Variants in CPNE8 observed in about 807,000 individuals in gnomAD.
CPNE8 encodes the protein copine-8.
CPNE8 carries 45 observed loss-of-function variants against 81.5 expected under a neutral mutation model. The observed-to-expected ratio is 0.55, with a 90% confidence interval of 0.44 to 0.71. The LOEUF is 0.71. Ranked by LOEUF, CPNE8 falls within the 30% of genes least tolerant of loss-of-function variation. CPNE8 has a pLI of 0.00. For missense variants in CPNE8, 594 were observed against 672.1 expected (o/e 0.88, Z 1.28); for synonymous variants, 252 against 226.3 (o/e 1.11, Z -1.02).
intron 1 of CPNE8, among the ~76,000 whole-genome samples, chr12:38,897,351 C>T (rs1944401966): frequency 2.0e-5 from 3 of 151,998 alleles, no homozygotes; most frequent in Admixed American, 2.0e-4. Flanking sequence ...TTCTAGAAAA[C>T]TATCCCCAGG....
chr12:38,884,741 A>G (rs962629300), intron 1 of CPNE8, among the ~76,000 whole-genome samples: 6 of 152,176 alleles, frequency 3.9e-5, no homozygotes, highest in South Asian at 2.1e-4. Flanking sequence ...GAAGTAGTCA[A>G]TCCACATACC....
At chr12:38,859,720 G>A (rs537250468) in intron 3 of CPNE8, among the ~76,000 whole-genome samples, 1 of 152,158 alleles carries the variant, frequency 6.6e-6, no homozygotes, top group African/African-American at 2.4e-5. Flanking sequence ...GATAACAACA[G>A]CCACATGGAT....
chr12:38,904,470 G>GTTTTTTTTTT (rs11343890), intron 1 of CPNE8, among the ~76,000 whole-genome samples: 6 of 120,302 alleles, frequency 5.0e-5, no homozygotes, highest in Non-Finnish European at 6.8e-5. Flanking sequence ...GTTTTTTTTT[G>GTTTTTTTTTT]TTTTTTTTTT....
In CPNE8 at chr12:38,852,428, CAA is replaced by C. The variant is rs138401295; in HGVS notation, c.187-3768_187-3767del. 1.0e-3 allele frequency among the ~76,000 whole-genome samples: 75 copies of C among 75,188 alleles called. 1 individual carries two copies. Among genetic ancestry groups the C allele is most frequent in the East Asian group, 2.3e-3 (6 of 2,604 alleles). The allele number at this position is 75,188 out of a possible 152,430, so 49.3% of individuals were successfully genotyped here. On this transcript the variant is annotated intron_variant, in intron 3 of 19. Coordinates refer to ENST00000331366, the MANE Select transcript of CPNE8 (RefSeq NM_153634.3). ...CTGGGCAACAGAGTGAGCTCTGTCT[CAA>C]AAAAAAAAAAAAAAAAAAAAAATTA...
chr12:38,839,822 A>C, intron 5 of CPNE8, 94 bp downstream of exon 5: 1 of 1,102,600 alleles, frequency 9.1e-7, no homozygotes, highest in Non-Finnish European at 1.2e-6. Flanking sequence ...TTACATGAAT[A>C]ACTTAATAGA....
chr12:38,664,755 T>C lies in CPNE8; in HGVS notation c.1506+5974A>G, dbSNP rs554581146. On this transcript the variant is annotated intron_variant, in intron 19 of 19. Coordinates refer to ENST00000331366, the MANE Select transcript of CPNE8 (RefSeq NM_153634.3). The stretch of plus-strand genomic sequence containing the variant: ...TTCTTTAAAACATGTTTATAAATAA[T>C]AGGTAAAAAAGAAATCCTCAATTTC... Among the ~76,000 whole-genome samples, 57 of 152,228 alleles carry C rather than the reference T, an allele frequency of 3.7e-4. 1 individual carries two copies. In the South Asian group the frequency reaches 0.012, roughly 31 times the overall value.
intron 16 of CPNE8, among the ~76,000 whole-genome samples, chr12:38,683,341 T>A (rs1483979398): frequency 6.6e-6 from 1 of 152,180 alleles, no homozygotes; most frequent in Non-Finnish European, 1.5e-5. Context: ...AAAATAATTT[T>A]TAATGATAAT....
intron 16 of CPNE8, among the ~76,000 whole-genome samples, 161 bp downstream of exon 16, chr12:38,685,329 C>T (rs536083771): frequency 6.6e-6 from 1 of 152,142 alleles, no homozygotes; most frequent in Non-Finnish European, 1.5e-5. Context: ...GTATCATGAT[C>T]GTTTGATAGA....
chr12:38,745,884 T>C (rs1006313668), intron 10 of CPNE8, among the ~76,000 whole-genome samples: 2 of 152,098 alleles, frequency 1.3e-5, no homozygotes, highest in African/African-American at 2.4e-5. Flanking sequence ...CTAGCAATGG[T>C]CCTTAACCCA....
chr12:38,809,014 C>A (rs1021846100), intron 6 of CPNE8, among the ~76,000 whole-genome samples: 1 of 152,042 alleles, frequency 6.6e-6, no homozygotes, highest in African/African-American at 2.4e-5. Flanking sequence ...AAGTGGAATT[C>A]TTTTATACTG....
In CPNE8 at chr12:38,761,453, T is replaced by C. The variant is rs545409049; in HGVS notation, c.681-565A>G. On this transcript the variant is annotated intron_variant, in intron 9 of 19. Transcript: ENST00000331366. ...AGTCCAGCAAAATAAAGATATGATC[T>C]TATTAAATGAAAAGAATGATAGTCA... 1.6e-4 allele frequency among the ~76,000 whole-genome samples: 25 copies of C among 152,308 alleles called. No individual in the cohort carries two copies. The East Asian group carries it at 4.2e-3, about 26-fold the overall frequency.
intron 3 of CPNE8, among the ~76,000 whole-genome samples, chr12:38,862,240 G>A (rs1943847605): frequency 6.6e-6 from 1 of 151,334 alleles, no homozygotes. Context: ...AAATTAGCTT[G>A]TTAGCATTAT....
At chr12:38,906,558 C>A (rs1379501511), upstream of CPNE8, 81 of 985,442 alleles carry the variant, frequency 8.2e-5, no homozygotes, top group Non-Finnish European at 9.5e-5. Context: ...GCTCCTTCAG[C>A]CGACTCCCAC....
chr12:38,670,784 C>G lies in CPNE8; in HGVS notation c.1451G>C (p.Gly484Ala). ...AEFDAMVELD[G>A]DDVRVSSRGK... Reference sequence around the variant, plus strand: ...TCTAGAGGAGACTCTTACATCATCTCCATCCAATTCGACCATTGCTTTAAG... The same window carrying G: ...TCTAGAGGAGACTCTTACATCATCTGCATCCAATTCGACCATTGCTTTAAG... The change falls in exon 19 of 20, where the codon GGA becomes GCA. Residue 484 changes from glycine to alanine, a missense_variant. Gly to Ala is a moderately conservative substitution (Grantham distance 60, BLOSUM62 0). Transcript: ENST00000331366. 1 of 1,608,754 alleles carries G rather than the reference C, an allele frequency of 6.2e-7. No homozygotes were observed. Among genetic ancestry groups the G allele is most frequent in the Non-Finnish European group, 8.5e-7 (1 of 1,176,918 alleles).
Position 38,831,791 on chromosome 12 carries a change from T to C in CPNE8, c.331-2336A>G, listed in dbSNP as rs1460255889. ...AACTGAAAACTGAAGATCTGAAATG[T>C]ATCATTGCTCTTCTGAGTCAGCAGC... On this transcript the variant is annotated intron_variant, in intron 5 of 19. Coordinates refer to ENST00000331366, the MANE Select transcript of CPNE8 (RefSeq NM_153634.3). Among the ~76,000 whole-genome samples the C allele has an allele frequency of 3.3e-5, 5 of 152,192 alleles. No homozygotes were observed. The East Asian group carries it at 5.8e-4, about 18-fold the overall frequency.
intron 17 of CPNE8, among the ~76,000 whole-genome samples, chr12:38,676,903 A>G (rs1939301912): frequency 1.3e-5 from 2 of 152,290 alleles, no homozygotes; most frequent in East Asian, 3.9e-4. Context: ...TCAAATGTCT[A>G]CTTCGTGCCA....
chr12:38,808,564 G>A (rs1942869558), intron 6 of CPNE8, among the ~76,000 whole-genome samples: 1 of 139,628 alleles, frequency 7.2e-6, no homozygotes, highest in African/African-American at 2.7e-5. Flanking sequence ...GAGAACACAT[G>A]GACACAAGAA....
At position 38,875,860 on chromosome 12, in the gene CPNE8, G is replaced by A. The variant is rs187739658; in HGVS notation, c.99-1349C>T. 2.9e-3 allele frequency among the ~76,000 whole-genome samples: 448 copies of A among 152,200 alleles called. 2 individuals carry two copies. Among genetic ancestry groups the A allele is most frequent in the African/African-American group, 7.7e-3 (320 of 41,538 alleles). On this transcript the variant is annotated intron_variant, in intron 1 of 19. Transcript: ENST00000331366. ...GAGCAGACACCATGACTCCAGCAACGGTTAGCAAACAGTAAACTAAAACAT... is the reference window on the plus strand; with the variant it reads ...GAGCAGACACCATGACTCCAGCAACAGTTAGCAAACAGTAAACTAAAACAT...
rs1939738999 is a variant in CPNE8, at chr12:38,693,985, G to C, written c.962-147C>G. 5 of 518,842 alleles carry C rather than the reference G, an allele frequency of 9.6e-6. No individual in the cohort carries two copies. The Admixed American group carries it at 1.6e-4, about 17-fold the overall frequency. The allele number at this position is 518,842 out of a possible 1,614,324, so 32.1% of individuals were successfully genotyped here. A position where few individuals can be genotyped will look rare whatever the true frequency, so the allele number is the denominator to read the frequency against. On this transcript the variant is annotated intron_variant, in intron 14 of 19. Transcript: ENST00000331366. Reference sequence around the variant, plus strand: ...GTGTCAAATCATTTCTTTTTGGATGGATATTAACACAGAAATATTTGTTAT... The same window carrying C: ...GTGTCAAATCATTTCTTTTTGGATGCATATTAACACAGAAATATTTGTTAT...
Sources: gnomAD v4.1 joint callset for allele counts (sites outside exome capture counted in the v4.1 genomes callset) on GRCh38, gnomAD v4.1.1 for gene constraint, MANE v1.5 for transcripts, NCBI Gene and HGNC (gene_info 2026-07-23, HGNC 2026-07-21) for gene names.